SMURF1: variants seen among roughly 807,000 people sequenced by gnomAD.
The protein encoded by SMURF1 is SMAD specific E3 ubiquitin protein ligase 1.
In SMURF1, 44 loss-of-function variants were observed where a neutral mutation model predicts 98.0. The observed-to-expected ratio is 0.45, with a 90% CI of 0.35 to 0.58. SMURF1 has a LOEUF of 0.58. Ranked by LOEUF, SMURF1 falls within the 20% of genes least tolerant of loss-of-function variation. The probability of loss-of-function intolerance (pLI) is 0.00; values close to 1 mark genes in which losing one functional copy is unlikely to be tolerated. For synonymous variants in SMURF1, 396 were observed against 374.9 expected (o/e 1.06, Z -0.65); for missense variants, 687 against 938.4 (o/e 0.73, Z 3.50).
intron 11 of SMURF1, chr7:99,045,410 G>A (rs1795541933): frequency 2.4e-6 from 1 of 421,452 alleles, no homozygotes; most frequent in Non-Finnish European, 4.2e-6. Flanking sequence ...TGTTTCAAAA[G>A]AAGGGAGTGA....
intron 1 of SMURF1, among the ~76,000 whole-genome samples, chr7:99,089,841 T>C (rs1796771548): frequency 6.6e-6 from 1 of 152,230 alleles, no homozygotes; most frequent in Admixed American, 6.5e-5. Flanking sequence ...TTAACTTTTC[T>C]GCAAACCCAC....
chr7:99,097,752 C>G (rs775223351), intron 1 of SMURF1, among the ~76,000 whole-genome samples: 1 of 152,154 alleles, frequency 6.6e-6, no homozygotes, highest in African/African-American at 2.4e-5. Context: ...AAAGCCCAAA[C>G]AGGATAAATG....
intron 1 of SMURF1, among the ~76,000 whole-genome samples, chr7:99,109,129 C>T (rs529264710): frequency 1.3e-5 from 2 of 152,118 alleles, no homozygotes; most frequent in South Asian, 4.1e-4. Context: ...ACAGGAAGTC[C>T]TAGAGAGAGG....
At chr7:99,127,653 T>C (rs1167258620) in intron 1 of SMURF1, among the ~76,000 whole-genome samples, 1 of 152,242 alleles carries the variant, frequency 6.6e-6, no homozygotes, top group Non-Finnish European at 1.5e-5. Flanking sequence ...TATGTATGTA[T>C]TATCTACTTA....
chr7:99,056,527 T>A (rs1240159755), intron 5 of SMURF1, among the ~76,000 whole-genome samples: 2 of 152,236 alleles, frequency 1.3e-5, no homozygotes, highest in Non-Finnish European at 2.9e-5. Flanking sequence ...TTTACATATA[T>A]GATGGGGCTT....
At chr7:99,037,654 G>A (rs1467078518) in intron 14 of SMURF1, among the ~76,000 whole-genome samples, 1 of 152,184 alleles carries the variant, frequency 6.6e-6, no homozygotes, top group African/African-American at 2.4e-5. Flanking sequence ...CCAAACCTTG[G>A]CATCACGTTA....
At chr7:99,077,296 G>T (rs1488030112) in intron 1 of SMURF1, among the ~76,000 whole-genome samples, 2 of 151,128 alleles carry the variant, frequency 1.3e-5, no homozygotes, top group Non-Finnish European at 1.5e-5. Flanking sequence ...CAGTAGCTAG[G>T]ATTCTTAATC....
intron 1 of SMURF1, among the ~76,000 whole-genome samples, chr7:99,126,604 G>C (rs1379741882): frequency 6.6e-6 from 1 of 152,144 alleles, no homozygotes; most frequent in East Asian, 1.9e-4. Flanking sequence ...GCAGTGAGCT[G>C]AGATTGCGCC....
intron 7 of SMURF1, 144 bp downstream of exon 7, chr7:99,052,061 G>C (rs988665745): frequency 5.2e-5 from 58 of 1,110,566 alleles, no homozygotes; most frequent in Non-Finnish European, 6.8e-5. Flanking sequence ...CTTGAGCTAG[G>C]GAGGTCAAGG....
At position 99,027,741 on chromosome 7, in the gene SMURF1, A is replaced by T. The variant is rs184816720; in HGVS notation, c.*2843T>A. 35 of 152,718 alleles carry T rather than the reference A, an allele frequency of 2.3e-4. 1 individual carries two copies. Among genetic ancestry groups the T allele is most frequent in the Admixed American group, 2.2e-3 (33 of 15,310 alleles). 9.5% of individuals were successfully genotyped at this position (152,718 alleles called of 1,614,324 possible). On this transcript the variant is annotated 3_prime_UTR_variant, in exon 18 of 18. Transcript: ENST00000361368. Reference sequence around the variant, plus strand: ...GTGGTTGAGAAACAAAAATAAACACATTTTTAAAATCCATACTATGTTTCG... The same window carrying T: ...GTGGTTGAGAAACAAAAATAAACACTTTTTTAAAATCCATACTATGTTTCG...
At chr7:99,096,089 A>G (rs73709547) in intron 1 of SMURF1, among the ~76,000 whole-genome samples, 2,225 of 152,266 alleles carry the variant, frequency 0.015, 53 homozygotes, top group African/African-American at 0.05. Flanking sequence ...GCCCAGCTTC[A>G]CCTCAGCTGA....
Position 99,143,822 on chromosome 7 carries a change from C to A in SMURF1, c.-42G>T. The A allele has an allele frequency of 6.6e-7, 1 of 1,506,214 alleles. No individual in the cohort carries two copies. 93.3% of individuals were successfully genotyped at this position (1,506,214 alleles called of 1,614,324 possible). ...GGCAGCCGCGGATCCAGCGCCACCG[C>A]CCCCCAGCCCGGCCCGGCCCGGCCC... On this transcript the variant is annotated 5_prime_UTR_variant, in exon 1 of 18. Coordinates refer to ENST00000361368, the MANE Select transcript of SMURF1 (RefSeq NM_181349.3).
chr7:99,121,415 G>C (rs529412496), intron 1 of SMURF1, among the ~76,000 whole-genome samples: 32 of 152,174 alleles, frequency 2.1e-4, no homozygotes, highest in African/African-American at 6.7e-4. Context: ...TTAACACTTA[G>C]CAGACCTATC....
At chr7:99,061,456 T>A (rs1464152370) in intron 2 of SMURF1, among the ~76,000 whole-genome samples, 2 of 152,222 alleles carry the variant, frequency 1.3e-5, no homozygotes, top group African/African-American at 4.8e-5. Flanking sequence ...TGTATGCAAA[T>A]CCAGCTGTTT....
chr7:99,038,256 T>C, intron 14 of SMURF1, 132 bp downstream of exon 14: 1 of 1,123,016 alleles, frequency 8.9e-7, no homozygotes, highest in Non-Finnish European at 1.3e-6. Flanking sequence ...AAGTCGCCTC[T>C]GTTCATGTGA....
At chr7:99,090,145 A>C (rs1211630567) in intron 1 of SMURF1, among the ~76,000 whole-genome samples, 1 of 152,182 alleles carries the variant, frequency 6.6e-6, no homozygotes, top group Non-Finnish European at 1.5e-5. Context: ...CACGCGCACT[A>C]CTGTTCAGCA....
chr7:99,129,690 C>A (rs984349161), intron 1 of SMURF1, among the ~76,000 whole-genome samples: 2 of 152,208 alleles, frequency 1.3e-5, no homozygotes, highest in Admixed American at 6.5e-5. Context: ...CTGTACCCAG[C>A]CTTCCCCCAT....
At chr7:99,060,200 A>G (rs888816180) in intron 3 of SMURF1, among the ~76,000 whole-genome samples, 2 of 151,944 alleles carry the variant, frequency 1.3e-5, no homozygotes, top group African/African-American at 4.8e-5. Context: ...CAACATGGTG[A>G]AACCCCATCT....
chr7:99,031,526 T>C (rs1475914851), intron 17 of SMURF1: 2 of 152,250 alleles, frequency 1.3e-5, no homozygotes, highest in African/African-American at 4.8e-5. Flanking sequence ...GGCACTCTTT[T>C]TTCTGGAGCT....
Sources: gnomAD v4.1 joint callset for allele counts (sites outside exome capture counted in the v4.1 genomes callset) on GRCh38, gnomAD v4.1.1 for gene constraint, MANE v1.5 for transcripts, NCBI Gene and HGNC (gene_info 2026-07-23, HGNC 2026-07-21) for gene names.